Variants in TLL2 observed in about 807,000 individuals in gnomAD.
TLL2 encodes tolloid-like protein 2.
TLL2 carries 106 observed loss-of-function variants against 123.0 expected under a neutral mutation model. The ratio of observed to expected loss-of-function variants is 0.86; its 90% CI spans 0.74 to 1.01. TLL2 has a LOEUF of 1.01. Ranked by LOEUF, TLL2 falls within the 50% of genes least tolerant of loss-of-function variation. The pLI, the probability that TLL2 is intolerant of heterozygous loss-of-function variation, is 0.00. For synonymous variants in TLL2, 494 were observed against 516.8 expected, an observed-to-expected ratio of 0.96 and a Z score of 0.60; for missense variants, 1,332 against 1,336.7, an observed-to-expected ratio of 1.00 and a Z score of 0.06.
chr10:96,489,842 A>G (rs1370919998), intron 1 of TLL2, among the ~76,000 whole-genome samples: 1 of 152,194 alleles, frequency 6.6e-6, no homozygotes, highest in Non-Finnish European at 1.5e-5. Context: ...CACGCCTGTA[A>G]TCCTAGCACT....
Position 96,513,709 on chromosome 10 carries a change from A to G in TLL2, c.-24T>C, listed in dbSNP as rs771468492. 2 of 1,485,780 alleles carry G rather than the reference A, an allele frequency of 1.3e-6. No individual in the cohort carries two copies. Among genetic ancestry groups the G allele is most frequent in the Admixed American group, 4.4e-5 (2 of 45,534 alleles). 92.0% of individuals were successfully genotyped at this position (1,485,780 alleles called of 1,614,324 possible). A position where few individuals can be genotyped will look rare whatever the true frequency, so the allele number is the denominator to read the frequency against. On this transcript the variant is annotated 5_prime_UTR_variant, in exon 1 of 21. Transcript: ENST00000357947. ...ATGGTGGCGCGGGGCCGGCTGGGGC[A>G]GAGGGAGTTGCGTGCACGAAAGCTC...
chr10:96,432,715 C>T, intron 4 of TLL2, 92 bp downstream of exon 4: 4 of 1,512,832 alleles, frequency 2.6e-6, no homozygotes, highest in Non-Finnish European at 3.6e-6. Context: ...AACATCTGCT[C>T]CATCCCACCC....
chr10:96,391,412 A>C (rs1440697782), intron 13 of TLL2, among the ~76,000 whole-genome samples: 1 of 152,116 alleles, frequency 6.6e-6, no homozygotes, highest in Non-Finnish European at 1.5e-5. Context: ...TTTTGCCTAT[A>C]CCTCTGTGGT....
At chr10:96,392,279 T>C (rs3789945) in intron 13 of TLL2, among the ~76,000 whole-genome samples, 94,940 of 151,946 alleles carry the variant, frequency 0.62, 29,908 homozygotes, top group East Asian at 0.78. Flanking sequence ...CCTTCCATTG[T>C]CCTGACTGGC....
intron 3 of TLL2, among the ~76,000 whole-genome samples, chr10:96,443,935 GT>G (rs1846872215): frequency 6.6e-6 from 1 of 152,202 alleles, no homozygotes; most frequent in African/African-American, 2.4e-5. Context: ...AGTTACATGG[GT>G]GACTAAAGGA....
chr10:96,371,713 C>A (rs1846086657), intron 19 of TLL2, among the ~76,000 whole-genome samples: 1 of 152,254 alleles, frequency 6.6e-6, no homozygotes, highest in Non-Finnish European at 1.5e-5. Flanking sequence ...ACCCTCCCCA[C>A]CTGCCTGGGC....
chr10:96,405,385 T>C, intron 9 of TLL2, 51 bp from the exon 10 acceptor site: 1 of 1,564,174 alleles, frequency 6.4e-7, no homozygotes, highest in Non-Finnish European at 8.8e-7. Context: ...CTGAGGAGTT[T>C]GGGAAGATAT....
In TLL2 at chr10:96,405,237, A is replaced by AG. The variant is rs767137164; in HGVS notation, c.1261dup (p.Leu421ProfsTer9). ...GGTGTCTAAAGTCAACTTACCCAAA[A>AG]GGGGGGCTTTTCTCCAGTAACCATC... On this transcript the variant is annotated frameshift_variant, in exon 10 of 21. Coordinates refer to ENST00000357947, the MANE Select transcript of TLL2 (RefSeq NM_012465.4). LOFTEE classifies it high-confidence loss of function. The AG allele has an allele frequency of 9.9e-6, 16 of 1,613,946 alleles. No individual in the cohort carries two copies. The highest frequency in any genetic ancestry group is 1.3e-5 in the Non-Finnish European group (15 of 1,179,980).
At chr10:96,432,252 T>C (rs1419500611) in intron 4 of TLL2, among the ~76,000 whole-genome samples, 1 of 152,166 alleles carries the variant, frequency 6.6e-6, no homozygotes, top group East Asian at 1.9e-4. Flanking sequence ...TAGAAGATAT[T>C]ATCATCCCCA....
At chr10:96,442,488 A>G (rs1004179669) in intron 3 of TLL2, among the ~76,000 whole-genome samples, 1 of 152,202 alleles carries the variant, frequency 6.6e-6, no homozygotes, top group South Asian at 2.1e-4. Context: ...GCCTGCCCTC[A>G]CCTCACTTCG....
At chr10:96,387,119 AGCCTCCTGGC>A in intron 13 of TLL2, 41 bp from the exon 14 acceptor site, 1 of 1,601,850 alleles carries the variant, frequency 6.2e-7, no homozygotes, top group Non-Finnish European at 8.5e-7. Context: ...ATTGTCAGGA[AGCCTCCTGGC>A]TGTTCCCAAC....
At chr10:96,385,725 C>T (rs994460887) in intron 15 of TLL2, among the ~76,000 whole-genome samples, 2 of 152,188 alleles carry the variant, frequency 1.3e-5, no homozygotes, top group Non-Finnish European at 1.5e-5. Flanking sequence ...ATTCTCACCC[C>T]CTTTATTCGC....
intron 2 of TLL2, among the ~76,000 whole-genome samples, chr10:96,474,947 C>T (rs1279255832): frequency 2.0e-5 from 3 of 152,192 alleles, no homozygotes; most frequent in Non-Finnish European, 2.9e-5. Flanking sequence ...ACATGGCCTT[C>T]TCTGTCTGTC....
rs755346045 is a variant in TLL2 at position 96,405,350 on chromosome 10, A to G, written c.1165-16T>C. 4 of 1,613,274 alleles carry G rather than the reference A, an allele frequency of 2.5e-6. No homozygotes were observed. The East Asian group carries it at 6.7e-5, about 27-fold the overall frequency. On this transcript the variant is annotated splice_polypyrimidine_tract_variant and intron_variant, in intron 9 of 20. Coordinates refer to ENST00000357947, the MANE Select transcript of TLL2 (RefSeq NM_012465.4). ...TTAATACGATCTGTAAAGAATTACC[A>G]TAAAGTGAGTTTTGGCAGCAAAGCC...
intron 6 of TLL2, 63 bp downstream of exon 6, chr10:96,422,486 C>T (rs1658786402): frequency 2.5e-6 from 4 of 1,590,528 alleles, no homozygotes; most frequent in African/African-American, 1.3e-5. Flanking sequence ...TTCCCTCCCT[C>T]CTGTCCCTGA....
At chr10:96,429,723 T>C (rs762823107) in intron 4 of TLL2, among the ~76,000 whole-genome samples, 1 of 152,234 alleles carries the variant, frequency 6.6e-6, no homozygotes, top group Non-Finnish European at 1.5e-5. Flanking sequence ...AAATTTCTAT[T>C]TGCATGTACA....
At chr10:96,433,078 G>T (rs1209310956) in intron 3 of TLL2, 116 bp from the exon 4 acceptor site, 2 of 1,387,134 alleles carry the variant, frequency 1.4e-6, no homozygotes, top group Non-Finnish European at 2.0e-6. Flanking sequence ...TTCCAAAGGG[G>T]CTATTTCATC....
intron 1 of TLL2, among the ~76,000 whole-genome samples, chr10:96,496,234 C>T (rs969821869): frequency 2.6e-5 from 4 of 152,210 alleles, no homozygotes; most frequent in African/African-American, 9.6e-5. Context: ...GACACAGTCT[C>T]TGAATCCATC....
intron 2 of TLL2, among the ~76,000 whole-genome samples, chr10:96,466,701 C>G (rs1847135187): frequency 6.6e-6 from 1 of 152,232 alleles, no homozygotes; most frequent in African/African-American, 2.4e-5. Flanking sequence ...TGGGTCTCTG[C>G]AAGGTTCCTG....
Sources: gnomAD v4.1 joint callset for allele counts (sites outside exome capture counted in the v4.1 genomes callset) on GRCh38, gnomAD v4.1.1 for gene constraint, MANE v1.5 for transcripts, NCBI Gene and HGNC (gene_info 2026-07-23, HGNC 2026-07-21) for gene names.